Variants in SOX6 observed in about 807,000 individuals in gnomAD.
SOX6 encodes SRY-box transcription factor 6.
A neutral mutation model predicts 97.8 loss-of-function variants in SOX6; 11 were observed. The ratio of observed to expected loss-of-function variants is 0.11; its 90% CI spans 0.07 to 0.19. The LOEUF is 0.19. Among genes scored for constraint, SOX6 ranks in the 10% least tolerant of loss-of-function variants. SOX6 has a pLI of 1.00. For missense variants in SOX6, 810 were observed against 1,039.5 expected (o/e 0.78, Z 3.04); for synonymous variants, 360 against 371.4 (o/e 0.97, Z 0.35).
intron 1 of SOX6, among the ~76,000 whole-genome samples, chr11:16,369,772 C>A (rs1442555554): frequency 6.6e-6 from 1 of 152,134 alleles, no homozygotes; most frequent in Non-Finnish European, 1.5e-5. Flanking sequence ...CTCTTCAATT[C>A]TCTGCCTTGT....
At position 16,566,560 on chromosome 11, in the gene SOX6, C is replaced by G. The variant is rs192676903; in HGVS notation, n.609+45521G>C. Among the ~76,000 whole-genome samples, 6 of 152,302 alleles carry G rather than the reference C, an allele frequency of 3.9e-5. No individual in the cohort carries two copies. The East Asian group carries it at 1.2e-3, about 29-fold the overall frequency. The stretch of plus-strand genomic sequence containing the variant: ...TGTATCTCATCTATCAGAAACTCAG[C>G]CAAAGCATTATTGCCCTATGGTTTT... On this transcript the variant is annotated intron_variant and non_coding_transcript_variant, in intron 4 of 5. Transcript: ENST00000524520.
At chr11:16,237,101 G>C (rs1436255711) in intron 3 of SOX6, among the ~76,000 whole-genome samples, 1 of 151,924 alleles carries the variant, frequency 6.6e-6, no homozygotes, top group Non-Finnish European at 1.5e-5. Flanking sequence ...GTACATACAA[G>C]CTTATCAATG....
chr11:16,108,075 T>C (rs1849140278), intron 7 of SOX6, among the ~76,000 whole-genome samples: 1 of 152,172 alleles, frequency 6.6e-6, no homozygotes, highest in East Asian at 1.9e-4. Flanking sequence ...GTGACACATT[T>C]CTTAGATGAC....
chr11:16,648,051 T>C (rs1849039895), intron 3 of SOX6, among the ~76,000 whole-genome samples: 1 of 152,014 alleles, frequency 6.6e-6, no homozygotes, highest in Non-Finnish European at 1.5e-5. Context: ...GCTGTGGATA[T>C]GAGTGAGTGC....
chr11:16,547,841 A>G (rs7120735), intron 4 of SOX6, among the ~76,000 whole-genome samples: 17,233 of 152,190 alleles, frequency 0.11, 1,025 homozygotes, highest in Non-Finnish European at 0.14. Context: ...TAAACACCCT[A>G]ACTTGATCAT....
chr11:16,427,024 G>A (rs1859155151), intron 1 of SOX6, among the ~76,000 whole-genome samples: 1 of 151,818 alleles, frequency 6.6e-6, no homozygotes, highest in South Asian at 2.1e-4. Context: ...AGAAATCCTG[G>A]AAGACAACCT....
chr11:16,632,525 G>A (rs1848723633), intron 3 of SOX6, among the ~76,000 whole-genome samples: 1 of 152,208 alleles, frequency 6.6e-6, no homozygotes, highest in Non-Finnish European at 1.5e-5. Flanking sequence ...TTCCTGCGCA[G>A]TGGTCTGAGC....
chr11:16,427,701 T>C (rs10466417), intron 1 of SOX6, among the ~76,000 whole-genome samples: 3,800 of 152,320 alleles, frequency 0.025, 140 homozygotes, highest in African/African-American at 0.078. Flanking sequence ...GGTGTATATG[T>C]GCCACATTTT....
At chr11:16,371,420 TC>T (rs1256808044) in intron 1 of SOX6, among the ~76,000 whole-genome samples, 2 of 152,076 alleles carry the variant, frequency 1.3e-5, no homozygotes, top group African/African-American at 4.8e-5. Flanking sequence ...TTTTATTTTC[TC>T]CATAGCATTT....
intron 3 of SOX6, among the ~76,000 whole-genome samples, chr11:16,700,905 T>C (rs1848087763): frequency 6.6e-6 from 1 of 152,194 alleles, no homozygotes; most frequent in Admixed American, 6.5e-5. Context: ...TGAGTTGAAT[T>C]GTTTCCTGCT....
At chr11:16,520,659 C>G (rs575997314) in intron 4 of SOX6, among the ~76,000 whole-genome samples, 1 of 152,328 alleles carries the variant, frequency 6.6e-6, no homozygotes, top group South Asian at 2.1e-4. Flanking sequence ...CATGTGCGAG[C>G]CGAAGCAGGG....
intron 4 of SOX6, among the ~76,000 whole-genome samples, chr11:16,510,503 C>T (rs1442859171): frequency 6.6e-6 from 1 of 152,022 alleles, no homozygotes; most frequent in Non-Finnish European, 1.5e-5. Context: ...AATCTATGCA[C>T]TACCTTAGTA....
At chr11:16,389,926 C>T (rs1374538778) in intron 1 of SOX6, among the ~76,000 whole-genome samples, 2 of 131,258 alleles carry the variant, frequency 1.5e-5, no homozygotes, top group East Asian at 2.4e-4. Flanking sequence ...GCCGAGATGG[C>T]GCCACTGCAG....
At chr11:16,672,286 C>CCA (rs1191640956) in intron 3 of SOX6, among the ~76,000 whole-genome samples, 1 of 152,150 alleles carries the variant, frequency 6.6e-6, no homozygotes, top group Non-Finnish European at 1.5e-5. Flanking sequence ...AGGATCAAAC[C>CCA]CACACATATC....
intron 4 of SOX6, among the ~76,000 whole-genome samples, chr11:16,503,518 T>C (rs1447240116): frequency 6.6e-6 from 1 of 152,010 alleles, no homozygotes; most frequent in Non-Finnish European, 1.5e-5. Context: ...ATACAAAATA[T>C]AGCCCAAGTA....
chr11:16,049,001 C>G (rs926548977), intron 11 of SOX6, among the ~76,000 whole-genome samples: 7 of 152,114 alleles, frequency 4.6e-5, no homozygotes, highest in Admixed American at 6.6e-5. Flanking sequence ...AAATTGAATG[C>G]CTTCTAGGTT....
intron 4 of SOX6, among the ~76,000 whole-genome samples, chr11:16,611,843 G>A (rs1848401748): frequency 1.3e-5 from 2 of 152,198 alleles, no homozygotes; most frequent in Non-Finnish European, 2.9e-5. Context: ...AGATCACAGC[G>A]GTAGCGACAG....
intron 1 of SOX6, among the ~76,000 whole-genome samples, chr11:16,433,394 C>CA (rs1859307995): frequency 6.6e-6 from 1 of 151,890 alleles, no homozygotes; most frequent in South Asian, 2.1e-4. Context: ...ATATGTAAGA[C>CA]GTTGTGCAAG....
intron 3 of SOX6, among the ~76,000 whole-genome samples, chr11:16,308,484 GCACATCAATCC>G (rs1855502683): frequency 6.6e-6 from 1 of 152,112 alleles, no homozygotes; most frequent in Non-Finnish European, 1.5e-5. Flanking sequence ...GGATAAGAAT[GCACATCAATCC>G]CAAGCCAATA....
Sources: allele counts gnomAD v4.1 joint callset (sites outside exome capture counted in the v4.1 genomes callset), GRCh38; gene constraint gnomAD v4.1.1; transcripts MANE v1.5; gene names NCBI Gene and HGNC (gene_info 2026-07-23, HGNC 2026-07-21).